TRIM37: variants seen among roughly 807,000 people sequenced by gnomAD.
TRIM37 encodes the protein tripartite motif containing 37.
TRIM37 carries 80 observed loss-of-function variants against 129.8 expected under a neutral mutation model. The ratio of observed to expected loss-of-function variants is 0.62; its 90% CI spans 0.51 to 0.74. The LOEUF (loss-of-function observed/expected upper bound fraction) is 0.74, where lower values mean the gene tolerates loss of function less well. Among genes scored for constraint, TRIM37 ranks in the 30% least tolerant of loss-of-function variants. The pLI, the probability that TRIM37 is intolerant of heterozygous loss-of-function variation, is 0.00. For missense variants in TRIM37, 1,054 were observed against 1,176.5 expected (o/e 0.90, Z 1.52); for synonymous variants, 389 against 387.1 (o/e 1.00, Z -0.06).
intron 19 of TRIM37, among the ~76,000 whole-genome samples, chr17:59,027,996 C>G (rs537336727): frequency 1.4e-4 from 21 of 152,308 alleles, no homozygotes; most frequent in Non-Finnish European, 2.2e-4. Context: ...GGTCTCAGGT[C>G]AAGTGCTGCC....
rs181929451 is a variant in TRIM37 at position 59,067,233 on chromosome 17, A to C, written c.810-2828T>G. 6.6e-5 allele frequency among the ~76,000 whole-genome samples: 10 copies of C among 152,176 alleles called. No homozygotes were observed. The East Asian group carries it at 1.7e-3, about 26-fold the overall frequency. On this transcript the variant is annotated intron_variant, in intron 9 of 23. Coordinates refer to ENST00000262294, the MANE Select transcript of TRIM37 (RefSeq NM_015294.6). The stretch of plus-strand genomic sequence containing the variant: ...TTAGAGATTATCTTCAATCATACTG[A>C]TGTTATCATTCTGTGTCTGCAGATG...
Position 59,001,727 on chromosome 17 carries a change from AAGG to A in TRIM37, c.2696-16_2696-14del, listed in dbSNP as rs766509122. On this transcript the variant is annotated splice_polypyrimidine_tract_variant and intron_variant, in intron 22 of 23. Transcript: ENST00000262294. Reference sequence around the variant, plus strand: ...TCGCTACTCATTCCTGGCAGGAAGGAAGGAGAACATGTTTCTGAAAAGAAACCA... The same window carrying A: ...TCGCTACTCATTCCTGGCAGGAAGGAAGAACATGTTTCTGAAAAGAAACCA... 5 of 1,613,924 alleles carry A rather than the reference AAGG, an allele frequency of 3.1e-6. No homozygotes were observed. Among genetic ancestry groups the A allele is most frequent in the East Asian group, 2.2e-5 (1 of 44,850 alleles).
intron 21 of TRIM37, among the ~76,000 whole-genome samples, 189 bp downstream of exon 21, chr17:59,015,421 C>G (rs533872573): frequency 6.6e-6 from 1 of 152,120 alleles, no homozygotes; most frequent in African/African-American, 2.4e-5. Flanking sequence ...GCCTGGGTGA[C>G]AGAGCGAGGC....
chr17:59,002,062 T>C (rs879452795), intron 22 of TRIM37, among the ~76,000 whole-genome samples: 7 of 152,164 alleles, frequency 4.6e-5, no homozygotes, highest in Non-Finnish European at 5.9e-5. Context: ...ACAGGAACTC[T>C]TTTAATCCTG....
intron 22 of TRIM37, among the ~76,000 whole-genome samples, chr17:59,008,159 CCTCATCAGTTAGTCTCCTTCTCACAGT>C (rs759731779): frequency 5.0e-4 from 76 of 152,314 alleles, no homozygotes; most frequent in Non-Finnish European, 9.3e-4. Context: ...CTTCTCTCAG[CCTCATCAGTTAGTCTCCTTCTCACAGT>C]CTATCCTGGG....
At chr17:59,062,681 A>G (rs939940541) in intron 10 of TRIM37, 33 bp from the exon 11 acceptor site, 4 of 1,586,128 alleles carry the variant, frequency 2.5e-6, no homozygotes, top group Non-Finnish European at 2.6e-6. Flanking sequence ...AAATCCCAAG[A>G]TCAAAACTGT....
At chr17:59,078,959 C>G (rs780935157) in intron 7 of TRIM37, among the ~76,000 whole-genome samples, 155 of 151,256 alleles carry the variant, frequency 1.0e-3, no homozygotes, top group Non-Finnish European at 1.6e-3. Context: ...ATATTTGCAT[C>G]TCATTTTTAA....
rs60395023 is a variant in TRIM37, at chr17:59,007,231, C to CCACCCACACACACACACACACACACA, written c.2695+5096_2695+5097insTGTGTGTGTGTGTGTGTGTGTGGGTG. 3.2e-3 allele frequency among the ~76,000 whole-genome samples: 310 copies of CCACCCACACACACACACACACACACA among 97,514 alleles called. 4 individuals carry two copies. The highest frequency in any genetic ancestry group is 0.011 in the South Asian group (27 of 2,372). The allele number at this position is 97,514 out of a possible 152,430, so 64.0% of individuals were successfully genotyped here. ...CTAAAACCACCCCACCCCCACCCAC[C>CCACCCACACACACACACACACACACA]CACACACACACACACGTTCCTGATG... On this transcript the variant is annotated intron_variant, in intron 22 of 23. Transcript: ENST00000262294.
At chr17:58,999,620 C>G (rs533834957) in intron 23 of TRIM37, among the ~76,000 whole-genome samples, 161 bp from the exon 24 acceptor site, 3 of 152,128 alleles carry the variant, frequency 2.0e-5, no homozygotes. Context: ...AATTTGTGAT[C>G]TGAGTCAGGT....
intron 11 of TRIM37, among the ~76,000 whole-genome samples, chr17:59,061,937 T>G (rs938014178): frequency 6.6e-6 from 1 of 151,894 alleles, no homozygotes; most frequent in Non-Finnish European, 1.5e-5. Flanking sequence ...ACTCAGTAGA[T>G]ATCAATGAAT....
At chr17:58,982,856 T>TGTCA in exon 25 of TRIM37, 1 of 1,519,542 alleles carries the variant, frequency 6.6e-7, no homozygotes, top group Non-Finnish European at 9.0e-7. Flanking sequence ...CACTCATATC[T>TGTCA]GTCACCTTCT....
At chr17:59,074,593 G>A (rs892029753) in intron 8 of TRIM37, among the ~76,000 whole-genome samples, 1 of 152,142 alleles carries the variant, frequency 6.6e-6, no homozygotes, top group South Asian at 2.1e-4. Flanking sequence ...AGCTACTGAG[G>A]GAAGTGTGAT....
At chr17:59,091,449 TAATA>T (rs2044302503) in intron 2 of TRIM37, 109 bp from the exon 3 acceptor site, 1 of 206,598 alleles carries the variant, frequency 4.8e-6, no homozygotes. Context: ...TTAATATATA[TAATA>T]TATAAATATA....
At chr17:59,071,897 C>T (rs1170292533) in intron 8 of TRIM37, among the ~76,000 whole-genome samples, 2 of 152,166 alleles carry the variant, frequency 1.3e-5, no homozygotes, top group East Asian at 3.8e-4. Context: ...CTGCTTACTT[C>T]GTGAAGTTTG....
In TRIM37 at chr17:59,001,648, A is replaced by G; in HGVS notation, c.2762T>C (p.Val921Ala). The change falls in exon 23 of 24, where the codon GTG becomes GCG. Residue 921 changes from valine (V) to alanine (A), a missense_variant. Physicochemically the swap from Val to Ala is moderately conservative, Grantham distance 64. Coordinates refer to ENST00000262294, the MANE Select transcript of TRIM37 (RefSeq NM_015294.6). ...CATGAAGGAGTCGTGAAACCCGCCC[A>G]CACTGGTATGCTCTTCCTGCTCCTC... The part of the protein sequence containing the change: ...ENEEQEEHTS[V>A]GGFHDSFMVM... 1 of 1,614,104 alleles carries G rather than the reference A, an allele frequency of 6.2e-7. No homozygotes were observed. The highest frequency in any genetic ancestry group is 8.5e-7 in the Non-Finnish European group (1 of 1,179,994).
intron 24 of TRIM37, chr17:58,985,250 G>A (rs1193617610): frequency 6.6e-6 from 1 of 152,586 alleles, no homozygotes; most frequent in Admixed American, 6.5e-5. Context: ...GATTTCTTCA[G>A]AACTGGAAAA....
At chr17:59,031,737 A>G (rs1298146463) in intron 18 of TRIM37, among the ~76,000 whole-genome samples, 159 bp downstream of exon 18, 1 of 152,260 alleles carries the variant, frequency 6.6e-6, no homozygotes, top group African/African-American at 2.4e-5. Flanking sequence ...GGTAATTTAA[A>G]AACTAATTTG....
At chr17:59,042,447 A>ATATATATATATATAT (rs1366333212) in intron 16 of TRIM37, among the ~76,000 whole-genome samples, 7 of 38,962 alleles carry the variant, frequency 1.8e-4, no homozygotes, top group East Asian at 1.2e-3. Context: ...AAAAAAAAAA[A>ATATATATATATATAT]AAATATATAT....
rs564733484 is a variant in TRIM37 at position 58,991,850 on chromosome 17, C to G, written c.2891+7531G>C. 1.1e-4 allele frequency among the ~76,000 whole-genome samples: 17 copies of G among 152,218 alleles called. 1 individual carries two copies. In the South Asian group the frequency reaches 3.5e-3, roughly 32 times the overall value. On this transcript the variant is annotated intron_variant, in intron 24 of 24. Coordinates refer to the TRIM37 transcript ENST00000393066. ...ATGGTATGTCACTGTGGAGGTTGGGCAGCGTCTCAGTAAAGACTCTACTTA... is the reference window on the plus strand; with the variant it reads ...ATGGTATGTCACTGTGGAGGTTGGGGAGCGTCTCAGTAAAGACTCTACTTA...
Sources: gnomAD v4.1 joint callset for allele counts (sites outside exome capture counted in the v4.1 genomes callset) on GRCh38, gnomAD v4.1.1 for gene constraint, MANE v1.5 for transcripts, NCBI Gene and HGNC (gene_info 2026-07-23, HGNC 2026-07-21) for gene names.